The following GPHN variants were observed in gnomAD, a reference collection of about 807,000 sequenced individuals.
The protein encoded by GPHN is gephyrin.
In GPHN, 17 loss-of-function variants were observed where a neutral mutation model predicts 95.5. The observed-to-expected ratio is 0.18, with a 90% confidence interval of 0.12 to 0.27. The LOEUF (loss-of-function observed/expected upper bound fraction) is 0.27. GPHN is among the 10% of genes least tolerant of loss of function. The pLI, the probability that GPHN is intolerant of heterozygous loss-of-function variation, is 1.00. For synonymous variants in GPHN, 320 were observed against 322.5 expected (o/e 0.99, Z 0.08); for missense variants, 660 against 978.1 (o/e 0.67, Z 4.34).
the GPHN span, chr14:67,224,967 G>C: frequency 1.5e-6 from 1 of 652,964 alleles, no homozygotes; most frequent in Non-Finnish European, 2.5e-6. Context: ...TGATGAGGTG[G>C]TTAGAACATA....
At chr14:66,955,234 C>A (rs1243870116) in intron 8 of GPHN, among the ~76,000 whole-genome samples, 2 of 152,110 alleles carry the variant, frequency 1.3e-5, no homozygotes, top group Admixed American at 1.3e-4. Context: ...GCCATCTGGT[C>A]CTGGGCTTTT....
chr14:66,983,165 T>C lies in GPHN; in HGVS notation c.963+17840T>C, dbSNP rs147947165. ...TATTCAGGAGGCTGAGGCCGGAGAA[T>C]TGCTTGAACCCAGGAGGCAGAGGTT... is the stretch of plus-strand genomic sequence containing the variant. On this transcript the variant is annotated intron_variant, in intron 9 of 22. Transcript: ENST00000478722. Among the ~76,000 whole-genome samples, 457 of 152,222 alleles carry C rather than the reference T, an allele frequency of 3.0e-3. 3 individuals are homozygous for C. The highest frequency in any genetic ancestry group is 0.011 in the African/African-American group (439 of 41,532).
At chr14:67,337,074 G>A in the GPHN span, among the ~76,000 whole-genome samples, 1 of 152,122 alleles carries the variant, frequency 6.6e-6, no homozygotes, top group Non-Finnish European at 1.5e-5. Flanking sequence ...TGTAAAATAG[G>A]GGGTTAAAAT....
intron 8 of GPHN, among the ~76,000 whole-genome samples, chr14:66,942,805 A>C (rs1165212496): frequency 6.6e-6 from 1 of 152,236 alleles, no homozygotes; most frequent in African/African-American, 2.4e-5. Flanking sequence ...GCACTCAAAA[A>C]GCCAGGTATC....
At chr14:67,551,641 G>A in the GPHN span, among the ~76,000 whole-genome samples, 1 of 152,002 alleles carries the variant, frequency 6.6e-6, no homozygotes, top group Non-Finnish European at 1.5e-5. Context: ...GTAATCCCAG[G>A]ACTTAGGGAG....
At chr14:66,953,880 A>G (rs746369403) in intron 8 of GPHN, among the ~76,000 whole-genome samples, 53 of 152,142 alleles carry the variant, frequency 3.5e-4, no homozygotes, top group Non-Finnish European at 5.3e-4. Context: ...TAAAAATACA[A>G]AAAAATTAGC....
chr14:66,675,146 G>GTT (rs60014934), intron 1 of GPHN, among the ~76,000 whole-genome samples: 8,260 of 135,358 alleles, frequency 0.061, 774 homozygotes, highest in African/African-American at 0.18. Flanking sequence ...TCTTTTTCCA[G>GTT]TTTTTTTTTT....
the GPHN span, among the ~76,000 whole-genome samples, chr14:67,325,595 C>A: frequency 2.6e-5 from 4 of 152,074 alleles, no homozygotes; most frequent in African/African-American, 7.2e-5. Context: ...AATTTAGTGT[C>A]CAATAACTAC....
At chr14:67,315,423 C>CCA in the GPHN span, among the ~76,000 whole-genome samples, 1 of 151,498 alleles carries the variant, frequency 6.6e-6, no homozygotes, top group African/African-American at 2.4e-5. Context: ...ACTACAGGTG[C>CCA]CCACCACCAC....
the GPHN span, chr14:67,392,963 G>T: frequency 1.1e-6 from 1 of 940,924 alleles, no homozygotes; most frequent in South Asian, 1.6e-5. Context: ...CTCTACGCAA[G>T]AGCAGACTGA....
the GPHN span, among the ~76,000 whole-genome samples, chr14:67,455,819 G>A: frequency 6.6e-6 from 1 of 152,136 alleles, no homozygotes; most frequent in East Asian, 1.9e-4. Context: ...AGCACTAGGA[G>A]GAGAAAGCAG....
At chr14:67,322,032 T>C in the GPHN span, among the ~76,000 whole-genome samples, 1 of 152,204 alleles carries the variant, frequency 6.6e-6, no homozygotes, top group Non-Finnish European at 1.5e-5. Context: ...GTTTCACTTA[T>C]TTGGCAGACT....
At chr14:67,696,082 T>C in the GPHN span, among the ~76,000 whole-genome samples, 3 of 152,010 alleles carry the variant, frequency 2.0e-5, no homozygotes, top group African/African-American at 7.2e-5. Flanking sequence ...CTTATCCACA[T>C]AGAATCTCAA....
chr14:67,464,353 G>A, the GPHN span, among the ~76,000 whole-genome samples: 1 of 151,968 alleles, frequency 6.6e-6, no homozygotes, highest in Non-Finnish European at 1.5e-5. Flanking sequence ...TTCCTGGAAG[G>A]GGCTGGGTGA....
chr14:66,669,619 C>T (rs1017830386), intron 1 of GPHN, among the ~76,000 whole-genome samples: 8 of 151,258 alleles, frequency 5.3e-5, no homozygotes, highest in East Asian at 1.9e-4. Flanking sequence ...TTTTCCAAAC[C>T]GTTTTCTTCT....
chr14:66,890,155 T>A (rs575192990), intron 5 of GPHN, among the ~76,000 whole-genome samples: 2 of 152,326 alleles, frequency 1.3e-5, no homozygotes, highest in South Asian at 4.1e-4. Context: ...CTCACACCTG[T>A]AATCCCAACA....
the GPHN span, among the ~76,000 whole-genome samples, chr14:67,516,400 G>T: frequency 8.5e-5 from 13 of 152,120 alleles, no homozygotes; most frequent in Non-Finnish European, 1.6e-4. Flanking sequence ...AGCTGGAGAG[G>T]GGGGGAAATG....
the GPHN span, chr14:67,648,902 T>C: frequency 2.6e-5 from 4 of 152,194 alleles, no homozygotes; most frequent in Admixed American, 6.5e-5. Context: ...AGGGTATAGA[T>C]AGAGACCCCA....
the GPHN span, chr14:67,727,569 G>A: frequency 3.5e-6 from 1 of 281,984 alleles, no homozygotes; most frequent in Non-Finnish European, 6.8e-6. Flanking sequence ...TGCGACCTCT[G>A]CCTCCTGGGT....
Sources: allele counts gnomAD v4.1 joint callset (sites outside exome capture counted in the v4.1 genomes callset), GRCh38; gene constraint gnomAD v4.1.1; transcripts MANE v1.5; gene names NCBI Gene and HGNC (gene_info 2026-07-23, HGNC 2026-07-21).